Variants in OR1J2 observed in about 807,000 individuals in gnomAD.
OR1J2 encodes olfactory receptor family 1 subfamily J member 2.
For synonymous variants in OR1J2, 142 were observed against 99.7 expected (o/e 1.42, Z -2.52); for missense variants, 304 against 246.1 (o/e 1.24, Z -1.57).
the OR1J2 span, among the ~76,000 whole-genome samples, chr9:122,540,247 A>G: frequency 1.3e-5 from 2 of 152,038 alleles, no homozygotes; most frequent in African/African-American, 4.8e-5. Flanking sequence ...TTATGGTTTT[A>G]GGTCTAACAT....
the OR1J2 span, among the ~76,000 whole-genome samples, chr9:122,548,967 G>T: frequency 2.0e-5 from 3 of 151,884 alleles, no homozygotes; most frequent in East Asian, 5.8e-4. Context: ...AAGCTTTTTG[G>T]TTTAATTTAG....
chr9:122,507,149 A>G (rs998130575), upstream of OR1J2, among the ~76,000 whole-genome samples: 1 of 152,212 alleles, frequency 6.6e-6, no homozygotes, highest in Non-Finnish European at 1.5e-5. Flanking sequence ...CATGTGCCTT[A>G]TAAGGACAAA....
the OR1J2 span, among the ~76,000 whole-genome samples, chr9:122,468,550 T>A: frequency 6.6e-6 from 1 of 152,120 alleles, no homozygotes; most frequent in Non-Finnish European, 1.5e-5. Context: ...TTTCTCTTTG[T>A]CTGTGAAAAG....
the OR1J2 span, chr9:122,527,106 T>C: frequency 6.2e-7 from 1 of 1,614,084 alleles, no homozygotes; most frequent in Non-Finnish European, 8.5e-7. Flanking sequence ...AAAAGACAGG[T>C]TGGCCAAGAA....
the OR1J2 span, among the ~76,000 whole-genome samples, chr9:122,461,394 A>ATT: frequency 1.0e-3 from 156 of 148,828 alleles, 2 homozygotes; most frequent in East Asian, 0.025. Context: ...TATCTTTTGT[A>ATT]TTTTTTTTTG....
the OR1J2 span, among the ~76,000 whole-genome samples, chr9:122,517,676 G>A: frequency 6.6e-6 from 1 of 152,022 alleles, no homozygotes; most frequent in Admixed American, 6.5e-5. Flanking sequence ...TACTGGCCTT[G>A]CAGGATTTGG....
At chr9:122,553,617 A>G in the OR1J2 span, 1 of 1,614,070 alleles carries the variant, frequency 6.2e-7, no homozygotes, top group Non-Finnish European at 8.5e-7. Context: ...ACTCCATTAC[A>G]GCACATCTAT....
At chr9:122,510,560 C>T (rs1368437356), upstream of OR1J2, among the ~76,000 whole-genome samples, 2 of 151,798 alleles carry the variant, frequency 1.3e-5, no homozygotes, top group African/African-American at 4.8e-5. Flanking sequence ...ATAGGTAAAC[C>T]TGTGCCATGG....
the OR1J2 span, among the ~76,000 whole-genome samples, chr9:122,494,043 G>GAGTACTTGC: frequency 6.6e-6 from 1 of 152,166 alleles, no homozygotes; most frequent in Non-Finnish European, 1.5e-5. Flanking sequence ...TGGTCTGAGA[G>GAGTACTTGC]AGTACTTGCT....
the OR1J2 span, among the ~76,000 whole-genome samples, chr9:122,484,071 C>CCTT: frequency 3.9e-5 from 6 of 152,048 alleles, no homozygotes; most frequent in Admixed American, 3.9e-4. Context: ...GCCCATTGTG[C>CCTT]CTTCCTCTGT....
At chr9:122,470,506 G>T in the OR1J2 span, among the ~76,000 whole-genome samples, 2 of 152,344 alleles carry the variant, frequency 1.3e-5, no homozygotes, top group Admixed American at 6.5e-5. Context: ...CTAGGGCAGG[G>T]TGCAAGGGAA....
the OR1J2 span, among the ~76,000 whole-genome samples, chr9:122,564,083 G>A: frequency 6.6e-6 from 1 of 152,150 alleles, no homozygotes; most frequent in African/African-American, 2.4e-5. Context: ...TGGGAAAAGG[G>A]AAATGATCTG....
At chr9:122,512,953 G>A (rs916304343), downstream of OR1J2, among the ~76,000 whole-genome samples, 9 of 152,090 alleles carry the variant, frequency 5.9e-5, no homozygotes, top group Non-Finnish European at 8.8e-5. Flanking sequence ...TTTCACATAC[G>A]ATGCACATTA....
the OR1J2 span, among the ~76,000 whole-genome samples, chr9:122,487,488 CACAA>C: frequency 6.6e-6 from 1 of 151,916 alleles, no homozygotes; most frequent in African/African-American, 2.4e-5. Context: ...CACACACACA[CACAA>C]ACTGCTTAAT....
chr9:122,549,569 T>C, the OR1J2 span, among the ~76,000 whole-genome samples: 108,649 of 152,136 alleles, frequency 0.71, 39,627 homozygotes, highest in East Asian at 0.99. Context: ...CAGTTTCATT[T>C]TTCCGCATAT....
chr9:122,497,204 G>T, the OR1J2 span, among the ~76,000 whole-genome samples: 1 of 152,068 alleles, frequency 6.6e-6, no homozygotes, highest in African/African-American at 2.4e-5. Flanking sequence ...TCCTTCAAAG[G>T]GTCTGTGGAT....
the OR1J2 span, chr9:122,553,030 G>C: frequency 1.5e-6 from 1 of 682,452 alleles, no homozygotes; most frequent in Non-Finnish European, 2.6e-6. Context: ...ATGTCTCTTG[G>C]GTATTTCCTT....
At chr9:122,568,039 C>A in the OR1J2 span, 4 of 1,613,964 alleles carry the variant, frequency 2.5e-6, no homozygotes, top group East Asian at 8.9e-5. Context: ...CAGGAGAAGG[C>A]CACCAGCAGG....
At chr9:122,549,212 G>A in the OR1J2 span, among the ~76,000 whole-genome samples, 1 of 152,028 alleles carries the variant, frequency 6.6e-6, no homozygotes, top group Non-Finnish European at 1.5e-5. Flanking sequence ...GTGAAAGCTG[G>A]TTGTTTAAGA....
Sources: gnomAD v4.1 joint callset for allele counts (sites outside exome capture counted in the v4.1 genomes callset) on GRCh38, gnomAD v4.1.1 for gene constraint, MANE v1.5 for transcripts, NCBI Gene and HGNC (gene_info 2026-07-23, HGNC 2026-07-21) for gene names.